ANKS1A: variants seen among roughly 807,000 people sequenced by gnomAD.
The protein encoded by ANKS1A is ankyrin repeat and SAM domain-containing protein 1A.
Under a neutral mutation model 120.3 loss-of-function variants are expected in ANKS1A, and 55 were observed. That is an observed-to-expected ratio of 0.46 (90% confidence interval 0.37 to 0.57). The LOEUF (loss-of-function observed/expected upper bound fraction) is 0.57, where lower values mean the gene tolerates loss of function less well. Among genes scored for constraint, ANKS1A ranks in the 20% least tolerant of loss-of-function variants. The pLI, the probability that ANKS1A is intolerant of heterozygous loss-of-function variation, is 0.00. For synonymous variants in ANKS1A, 590 were observed against 604.7 expected (o/e 0.98, Z 0.36); for missense variants, 1,123 against 1,480.3 (o/e 0.76, Z 3.96).
chr6:34,951,922 G>A (rs1770111532), intron 1 of ANKS1A, among the ~76,000 whole-genome samples: 1 of 152,098 alleles, frequency 6.6e-6, no homozygotes, highest in African/African-American at 2.4e-5. Context: ...CTGGGACCCT[G>A]GAGGGAAAGA....
chr6:34,934,364 G>A (rs542166761), intron 1 of ANKS1A, among the ~76,000 whole-genome samples: 3 of 152,168 alleles, frequency 2.0e-5, no homozygotes, highest in East Asian at 1.9e-4. Context: ...TAGCCAGGAC[G>A]GTCTCTATCT....
intron 17 of ANKS1A, among the ~76,000 whole-genome samples, chr6:35,081,697 C>T (rs777654823): frequency 2.5e-4 from 38 of 152,252 alleles, no homozygotes; most frequent in Admixed American, 3.9e-4. Flanking sequence ...CCGCTGGAGA[C>T]GCCTCCTCCG....
intron 3 of ANKS1A, among the ~76,000 whole-genome samples, chr6:34,973,500 A>G (rs1385211405): frequency 6.6e-6 from 1 of 152,176 alleles, no homozygotes; most frequent in Admixed American, 6.5e-5. Context: ...GTTTTGGTCA[A>G]AGATTTTATT....
rs537246098 is a variant in ANKS1A, at chr6:35,085,038, C to G, written c.3133-728C>G. 2.6e-5 allele frequency among the ~76,000 whole-genome samples: 4 copies of G among 152,306 alleles called. No individual in the cohort carries two copies. In the East Asian group the frequency reaches 7.7e-4, roughly 29 times the overall value. On this transcript the variant is annotated intron_variant, in intron 21 of 23. Transcript: ENST00000360359. This position sits in a 1 kb window ranked among gnomAD's most constrained non-coding sequence, Gnocchi z 4.7. Reference sequence around the variant, plus strand: ...TCTGTGGCTCCTGGAATACAGGCAGCTCTGGGCATCCCCACACTCCTGGGA... The same window carrying G: ...TCTGTGGCTCCTGGAATACAGGCAGGTCTGGGCATCCCCACACTCCTGGGA...
rs200910974 is a variant in ANKS1A, at chr6:35,084,279, G to T, written c.3132+21G>T. The T allele has an allele frequency of 1.2e-6, 2 of 1,612,082 alleles. No homozygotes were observed. The highest frequency in any genetic ancestry group is 1.7e-6 in the Non-Finnish European group (2 of 1,179,310). On this transcript the variant is annotated intron_variant, in intron 21 of 23. Coordinates refer to ENST00000360359, the MANE Select transcript of ANKS1A (RefSeq NM_015245.3). This position sits in a 1 kb window ranked among gnomAD's most constrained non-coding sequence, Gnocchi z 4.8. ...ATGTGGTGGGTGGGGTCCTGGGGCC[G>T]GGTGGGGCAGGCTTGGGTTGCAGCC...
intron 1 of ANKS1A, among the ~76,000 whole-genome samples, chr6:34,945,070 C>CTATTT (rs1195518772): frequency 2.6e-5 from 4 of 152,018 alleles, no homozygotes; most frequent in Non-Finnish European, 5.9e-5. Flanking sequence ...GATCTATGAT[C>CTATTT]TATTTTATTT....
chr6:34,981,362 A>C (rs879083416), intron 3 of ANKS1A, among the ~76,000 whole-genome samples: 2 of 152,356 alleles, frequency 1.3e-5, no homozygotes, highest in Non-Finnish European at 2.9e-5. Flanking sequence ...ATTGGTATTC[A>C]TCTTGCCAGG....
At chr6:34,934,467 C>T (rs1484239517) in intron 1 of ANKS1A, among the ~76,000 whole-genome samples, 1 of 152,180 alleles carries the variant, frequency 6.6e-6, no homozygotes, top group Non-Finnish European at 1.5e-5. Flanking sequence ...TACTTTATAA[C>T]ACTAGGTGAA....
intron 1 of ANKS1A, among the ~76,000 whole-genome samples, chr6:34,919,451 G>C (rs1247413981): frequency 6.6e-6 from 1 of 152,090 alleles, no homozygotes; most frequent in Non-Finnish European, 1.5e-5. Context: ...TCTCTGTACT[G>C]GGAACGATGC....
rs1159529747 is a variant in ANKS1A, at chr6:35,059,545, G to A, written c.2078-602G>A. On this transcript the variant is annotated intron_variant, in intron 12 of 23. Coordinates refer to ENST00000360359, the MANE Select transcript of ANKS1A (RefSeq NM_015245.3). ...ATGTGCTGGGTCCCGGTGAACAGCC[G>A]CCGCTGCTGCTTCCCTCCCGGAGCC... 2.0e-5 allele frequency among the ~76,000 whole-genome samples: 3 copies of A among 152,318 alleles called. 1 individual carries two copies. The highest frequency in any genetic ancestry group is 2.4e-5 in the African/African-American group (1 of 41,570).
chr6:34,894,929 T>G (rs765314160), intron 1 of ANKS1A, among the ~76,000 whole-genome samples: 5 of 152,034 alleles, frequency 3.3e-5, no homozygotes, highest in Non-Finnish European at 7.4e-5. Context: ...ATCTGAAAAT[T>G]TATAGATAGT....
chr6:35,029,805 ATTAT>A (rs1033711246), intron 11 of ANKS1A, among the ~76,000 whole-genome samples: 1 of 148,494 alleles, frequency 6.7e-6, no homozygotes, highest in African/African-American at 2.4e-5. Context: ...ACAAATATAT[ATTAT>A]TTGATTACAA....
chr6:35,017,452 TGTCTCTCC>T lies in ANKS1A; in HGVS notation c.1424-17_1424-10del. On this transcript the variant is annotated splice_polypyrimidine_tract_variant and intron_variant, in intron 10 of 23. Coordinates refer to ENST00000360359, the MANE Select transcript of ANKS1A (RefSeq NM_015245.3). ...TGCCACGTTTAATTTTTTATTTCTC[TGTCTCTCC>T]GTCCACTCCAAGACCACAGGCGGAG... 6.4e-7 allele frequency: 1 copy of T among 1,558,586 alleles called. No individual in the cohort carries two copies. Among genetic ancestry groups the T allele is most frequent in the Non-Finnish European group, 8.7e-7 (1 of 1,152,652 alleles).
intron 1 of ANKS1A, among the ~76,000 whole-genome samples, chr6:34,960,868 A>C (rs973257546): frequency 3.3e-5 from 5 of 152,226 alleles, no homozygotes; most frequent in Non-Finnish European, 7.3e-5. Flanking sequence ...GACTTTACAA[A>C]TGCAGAGACA....
At chr6:34,994,636 T>A (rs1457666571) in intron 10 of ANKS1A, among the ~76,000 whole-genome samples, 1 of 152,162 alleles carries the variant, frequency 6.6e-6, no homozygotes, top group Non-Finnish European at 1.5e-5. Context: ...ACCTTCAGTA[T>A]GCGAAGCAAG....
chr6:35,095,583 CGAAA>C (rs1451439978), downstream of ANKS1A, among the ~76,000 whole-genome samples: 9 of 105,144 alleles, frequency 8.6e-5, no homozygotes, highest in Admixed American at 4.1e-4. Flanking sequence ...AAAGGAAAGA[CGAAA>C]GAAAGAGAGA....
chr6:34,891,616 A>G (rs6927009), intron 1 of ANKS1A, among the ~76,000 whole-genome samples: 11,092 of 152,102 alleles, frequency 0.073, 612 homozygotes, highest in East Asian at 0.23. Flanking sequence ...CCACCCTCAA[A>G]CACAGGTCAA....
In ANKS1A at chr6:35,059,298, T is replaced by G. The variant is rs187147350; in HGVS notation, c.2078-849T>G. ...GCTGTGGATCGGGCTCCTGGCCCAC[T>G]GGCCGCGCAGCCCGGCGGAATGCGA... On this transcript the variant is annotated intron_variant, in intron 12 of 23. Coordinates refer to ENST00000360359, the MANE Select transcript of ANKS1A (RefSeq NM_015245.3). 2.0e-5 allele frequency among the ~76,000 whole-genome samples: 3 copies of G among 152,334 alleles called. No homozygotes were observed. In the East Asian group the frequency reaches 5.8e-4, roughly 29 times the overall value.
At chr6:35,041,904 A>T (rs974455749) in intron 11 of ANKS1A, among the ~76,000 whole-genome samples, 1 of 152,196 alleles carries the variant, frequency 6.6e-6, no homozygotes, top group African/African-American at 2.4e-5. Flanking sequence ...GTTCCTGTCC[A>T]CTTGGCTGAG....
Sources: gnomAD v4.1 joint callset for allele counts (sites outside exome capture counted in the v4.1 genomes callset) on GRCh38, gnomAD v4.1.1 for gene constraint, Gnocchi (gnomAD v3.1) non-coding constraint, MANE v1.5 for transcripts, NCBI Gene and HGNC (gene_info 2026-07-23, HGNC 2026-07-21) for gene names.